The following VWA3A variants were observed in gnomAD, a reference collection of about 807,000 sequenced individuals.
VWA3A encodes von Willebrand factor A domain containing 3A.
VWA3A carries 134 observed loss-of-function variants against 160.4 expected under a neutral mutation model. The ratio of observed to expected loss-of-function variants is 0.84; its 90% CI spans 0.73 to 0.96. The LOEUF (loss-of-function observed/expected upper bound fraction) is 0.96, where lower values mean the gene tolerates loss of function less well. VWA3A is among the 40% of genes least tolerant of loss of function. The pLI is 0.00. For missense variants in VWA3A, 1,310 were observed against 1,447.9 expected (o/e 0.90, Z 1.55); for synonymous variants, 476 against 543.4 (o/e 0.88, Z 1.72).
Position 22,123,178 on chromosome 16 carries a change from TTCAA to T in VWA3A, c.1437+17_1437+20del, listed in dbSNP as rs758435400. ...CTATAAGTACCAGGTCAGTGATGGG[TTCAA>T]TCAGTCAGAAAATGGGGTGCAGAAA... On this transcript the variant is annotated intron_variant, in intron 15 of 33. Coordinates refer to ENST00000389398, the MANE Select transcript of VWA3A (RefSeq NM_173615.5). The T allele has an allele frequency of 8.2e-6, 13 of 1,590,578 alleles. No individual in the cohort carries two copies. The highest frequency in any genetic ancestry group is 1.8e-5 in the Admixed American group (1 of 56,368).
chr16:22,142,890 C>G (rs1357403264), intron 25 of VWA3A, 125 bp downstream of exon 25: 4 of 708,150 alleles, frequency 5.6e-6, no homozygotes, highest in Non-Finnish European at 9.5e-6. Context: ...GTGACTCACA[C>G]CTGTAATCCC....
At chr16:22,155,742 C>G in intron 32 of VWA3A, 78 bp downstream of exon 32, 13 of 1,599,362 alleles carry the variant, frequency 8.1e-6, no homozygotes, top group Non-Finnish European at 1.1e-5. Flanking sequence ...CGAGAAGGGC[C>G]GCACCCATGA....
chr16:22,124,427 G>A (rs1474599182), intron 16 of VWA3A, among the ~76,000 whole-genome samples: 3 of 151,098 alleles, frequency 2.0e-5, no homozygotes, highest in Non-Finnish European at 4.4e-5. Flanking sequence ...TGGATGCTGA[G>A]TTGGGAGAAA....
intron 8 of VWA3A, among the ~76,000 whole-genome samples, chr16:22,113,451 C>G (rs2045587293): frequency 7.1e-6 from 1 of 140,966 alleles, no homozygotes; most frequent in African/African-American, 2.6e-5. Context: ...TCTTGGACTC[C>G]TGACCTCAAG....
intron 21 of VWA3A, among the ~76,000 whole-genome samples, chr16:22,138,122 A>G (rs1234094030): frequency 6.6e-6 from 1 of 151,964 alleles, no homozygotes; most frequent in Non-Finnish European, 1.5e-5. Context: ...AGGGTTGGAG[A>G]CCCCCAAGTA....
chr16:22,100,075 C>CAAA, intron 3 of VWA3A, 119 bp from the exon 4 acceptor site: 30 of 1,025,994 alleles, frequency 2.9e-5, no homozygotes, highest in East Asian at 6.3e-5. Flanking sequence ...AACTCCGTCT[C>CAAA]AAAAAAAAAA....
At chr16:22,097,452 A>T in intron 2 of VWA3A, 120 bp from the exon 3 acceptor site, 1 of 1,279,388 alleles carries the variant, frequency 7.8e-7, no homozygotes, top group Non-Finnish European at 1.1e-6. Context: ...CTTCTCAGTT[A>T]CTGCACAGAA....
intron 17 of VWA3A, among the ~76,000 whole-genome samples, chr16:22,129,514 A>G (rs565559890): frequency 6.6e-6 from 1 of 152,242 alleles, no homozygotes; most frequent in South Asian, 2.1e-4. Context: ...AGAGAAGATG[A>G]TGTCCCAAGA....
At chr16:22,108,932 T>C (rs1200565803) in intron 6 of VWA3A, among the ~76,000 whole-genome samples, 1 of 152,096 alleles carries the variant, frequency 6.6e-6, no homozygotes, top group Non-Finnish European at 1.5e-5. Flanking sequence ...ATTAGAAATT[T>C]GGATGTGGTG....
chr16:22,134,018 C>T, intron 20 of VWA3A, among the ~76,000 whole-genome samples: 1 of 152,038 alleles, frequency 6.6e-6, no homozygotes, highest in African/African-American at 2.4e-5. Context: ...GGCTGGAGTG[C>T]AGTGGTGCCA....
intron 17 of VWA3A, among the ~76,000 whole-genome samples, chr16:22,130,279 G>A (rs970164064): frequency 3.9e-5 from 6 of 152,146 alleles, no homozygotes; most frequent in African/African-American, 9.7e-5. Context: ...GTCCACAAGG[G>A]GAAAGAGAAA....
At chr16:22,111,764 C>T (rs536248023) in intron 8 of VWA3A, among the ~76,000 whole-genome samples, 4 of 151,884 alleles carry the variant, frequency 2.6e-5, no homozygotes, top group Admixed American at 6.6e-5. Context: ...ATTACAGGCA[C>T]GAGCCACCAC....
rs948796686 is a variant in VWA3A at position 22,122,983 on chromosome 16, T to G, written c.1357-102T>G. Reference sequence around the variant, plus strand: ...GATCCGACCTCAAATGTGTTCAGAGTCCACTTCACTCTCCTGCACCTGATT... The same window carrying G: ...GATCCGACCTCAAATGTGTTCAGAGGCCACTTCACTCTCCTGCACCTGATT... On this transcript the variant is annotated intron_variant, in intron 14 of 33. Transcript: ENST00000389398. The G allele has an allele frequency of 1.4e-5, 13 of 931,994 alleles. No homozygotes were observed. The African/African-American group carries it at 2.1e-4, about 15-fold the overall frequency. 57.7% of individuals were successfully genotyped at this position (931,994 alleles called of 1,614,324 possible). A position where few individuals can be genotyped will look rare whatever the true frequency, so the allele number is the denominator to read the frequency against.
chr16:22,093,910 G>A (rs907788792), intron 1 of VWA3A, among the ~76,000 whole-genome samples: 7 of 151,174 alleles, frequency 4.6e-5, no homozygotes, highest in Non-Finnish European at 8.8e-5. Flanking sequence ...GACTACAGGT[G>A]CGCACTGCCA....
intron 19 of VWA3A, among the ~76,000 whole-genome samples, chr16:22,132,108 G>T (rs2045959261): frequency 6.6e-6 from 1 of 152,122 alleles, no homozygotes; most frequent in Admixed American, 6.5e-5. Context: ...ATGTAGCCAG[G>T]CACAGTGGCT....
intron 14 of VWA3A, among the ~76,000 whole-genome samples, chr16:22,122,011 C>CTCTAACTCTCTATCCTCCATG (rs2045743878): frequency 6.6e-6 from 1 of 152,142 alleles, no homozygotes; most frequent in African/African-American, 2.4e-5. Flanking sequence ...GCAAACTCTT[C>CTCTAACTCTCTATCCTCCATG]TCTAACTCTC....
At chr16:22,121,747 C>T (rs562368130) in intron 14 of VWA3A, 130 bp downstream of exon 14, 152 of 691,740 alleles carry the variant, frequency 2.2e-4, no homozygotes, top group Middle Eastern at 4.0e-4. Flanking sequence ...CCCTAGAATG[C>T]ACATCAAATC....
In VWA3A at chr16:22,121,100, A is replaced by G. The variant is rs1428689244; in HGVS notation, c.1249A>G (p.Lys417Glu). ...AGAGTGGCTTAAGGTCAATGGTCTG[A>G]AAGGTAAATCTCCAAAGAGGGCAGA... The part of the protein sequence containing the change: ...SAEWLKVNGL[K>E]AKKLSLYQVL... Residue 417 changes from lysine (K) to glutamate (E), a missense_variant, in exon 13 of 34, where the codon AAA (lysine) becomes GAA (glutamate). Coordinates refer to ENST00000389398, the MANE Select transcript of VWA3A (RefSeq NM_173615.5). The G allele has an allele frequency of 2.5e-6, 4 of 1,613,812 alleles. No homozygotes were observed. Among genetic ancestry groups the G allele is most frequent in the Non-Finnish European group, 3.4e-6 (4 of 1,179,870 alleles).
intron 11 of VWA3A, 147 bp from the exon 12 acceptor site, chr16:22,118,755 C>A: frequency 2.9e-6 from 3 of 1,027,798 alleles, no homozygotes; most frequent in Non-Finnish European, 4.3e-6. Flanking sequence ...CAGGCTCTGT[C>A]TGGCACATGG....
Sources: gnomAD v4.1 joint callset for allele counts (sites outside exome capture counted in the v4.1 genomes callset) on GRCh38, gnomAD v4.1.1 for gene constraint, MANE v1.5 for transcripts, NCBI Gene and HGNC (gene_info 2026-07-23, HGNC 2026-07-21) for gene names.